Variants in OCM observed in about 807,000 individuals in gnomAD.
OCM encodes oncomodulin-1.
A neutral mutation model predicts 14.1 loss-of-function variants in OCM; 18 were observed. The observed-to-expected ratio is 1.28, with a 90% CI of 0.88 to 1.89. The LOEUF (loss-of-function observed/expected upper bound fraction) is 1.89, where lower values mean the gene tolerates loss of function less well. OCM is among the 40% of genes most tolerant of loss of function. The pLI, the probability that OCM is intolerant of heterozygous loss-of-function variation, is 0.00. For missense variants in OCM, 140 were observed against 137.6 expected, an observed-to-expected ratio of 1.02 and a Z score of -0.09; for synonymous variants, 48 against 51.0, an observed-to-expected ratio of 0.94 and a Z score of 0.25.
the OCM span, among the ~76,000 whole-genome samples, chr7:5,873,835 C>T: frequency 6.6e-6 from 1 of 151,896 alleles, no homozygotes; most frequent in Non-Finnish European, 1.5e-5. Context: ...GTTGAGAGAA[C>T]ATGAAAGTGG....
At chr7:5,870,437 C>G in the OCM span, among the ~76,000 whole-genome samples, 5 of 152,318 alleles carry the variant, frequency 3.3e-5, no homozygotes, top group South Asian at 1.0e-3. Flanking sequence ...TATGCATTCT[C>G]ATAGCATCCT....
the OCM span, among the ~76,000 whole-genome samples, chr7:5,869,079 A>G: frequency 6.6e-6 from 1 of 151,930 alleles, no homozygotes; most frequent in Non-Finnish European, 1.5e-5. Context: ...AAACAAAACA[A>G]AACAAAACAA....
chr7:5,875,998 G>C (rs974332748), upstream of OCM, among the ~76,000 whole-genome samples: 4 of 151,894 alleles, frequency 2.6e-5, no homozygotes, highest in African/African-American at 7.3e-5. Context: ...ACCATGCCTA[G>C]CTGATTATTA....
chr7:5,864,955 A>G, the OCM span, among the ~76,000 whole-genome samples: 10 of 152,004 alleles, frequency 6.6e-5, no homozygotes, highest in Admixed American at 5.9e-4. Flanking sequence ...AAAAAGAACT[A>G]GGGAAATAGA....
chr7:5,860,163 C>G, the OCM span, among the ~76,000 whole-genome samples: 1 of 151,810 alleles, frequency 6.6e-6, no homozygotes, highest in Admixed American at 6.6e-5. Context: ...GGTTTAGTTG[C>G]AATTTCTCCT....
At chr7:5,885,454 T>G (rs1047733809) in intron 3 of OCM, among the ~76,000 whole-genome samples, 6 of 152,288 alleles carry the variant, frequency 3.9e-5, no homozygotes, top group African/African-American at 7.2e-5. Flanking sequence ...TCATGCATTA[T>G]CAGGGAGAAA....
intron 3 of OCM, 144 bp downstream of exon 3, chr7:5,884,143 G>C: frequency 8.7e-7 from 1 of 1,153,484 alleles, no homozygotes; most frequent in Non-Finnish European, 1.2e-6. Context: ...TGTAAAATGG[G>C]ACTAAAGTAA....
At chr7:5,865,931 G>A in the OCM span, among the ~76,000 whole-genome samples, 2 of 152,132 alleles carry the variant, frequency 1.3e-5, no homozygotes, top group South Asian at 4.1e-4. Context: ...TAACAGAGTT[G>A]TCTTCATTTG....
chr7:5,881,112 T>A (rs969225971), intron 1 of OCM, among the ~76,000 whole-genome samples, 162 bp downstream of exon 1: 4 of 150,578 alleles, frequency 2.7e-5, no homozygotes, highest in Middle Eastern at 3.4e-3. Flanking sequence ...AGGTCAGGAG[T>A]TCGAGACCAG....
At chr7:5,885,994 A>T in intron 3 of OCM, 70 bp from the exon 4 acceptor site, 1 of 1,608,464 alleles carries the variant, frequency 6.2e-7, no homozygotes, top group East Asian at 2.2e-5. Flanking sequence ...TGGAATTCTC[A>T]TTGGCCACGG....
At chr7:5,874,966 T>C (rs1163570663), upstream of OCM, among the ~76,000 whole-genome samples, 4 of 152,048 alleles carry the variant, frequency 2.6e-5, no homozygotes, top group African/African-American at 9.7e-5. Flanking sequence ...TGTCTGTCTC[T>C]GTCAATTTGA....
the OCM span, among the ~76,000 whole-genome samples, chr7:5,873,759 G>A: frequency 2.5e-4 from 38 of 152,192 alleles, no homozygotes; most frequent in South Asian, 8.3e-4. Context: ...GGTGGCTTGG[G>A]CTAGGGTAGT....
At chr7:5,860,028 T>C in the OCM span, among the ~76,000 whole-genome samples, 1 of 148,152 alleles carries the variant, frequency 6.7e-6, no homozygotes, top group South Asian at 2.2e-4. Context: ...GTTCTGAATC[T>C]CATGGGGATG....
the OCM span, among the ~76,000 whole-genome samples, chr7:5,868,691 G>A: frequency 6.6e-6 from 1 of 152,168 alleles, no homozygotes; most frequent in Non-Finnish European, 1.5e-5. Flanking sequence ...TTGAGGGTCA[G>A]TTAGAAGGCA....
At chr7:5,867,165 C>G in the OCM span, among the ~76,000 whole-genome samples, 10 of 152,134 alleles carry the variant, frequency 6.6e-5, no homozygotes, top group Admixed American at 3.3e-4. Context: ...AAAAATTCCT[C>G]CTTGCCTTCT....
rs747858331 is a variant in OCM at position 5,884,014 on chromosome 7, G to A, written c.304+15G>A. ...TGGAGCAGAGGGTATGTCCACACGT[G>A]TACGTAGCATAAAACACTCTAGCTC... On this transcript the variant is annotated intron_variant, in intron 3 of 3. Coordinates refer to ENST00000242104, the MANE Select transcript of OCM (RefSeq NM_001097622.2). 4 of 1,610,856 alleles carry A rather than the reference G, an allele frequency of 2.5e-6. No homozygotes were observed. The highest frequency in any genetic ancestry group is 2.2e-5 in the East Asian group (1 of 44,836).
the OCM span, among the ~76,000 whole-genome samples, chr7:5,861,802 C>A: frequency 6.6e-6 from 1 of 151,918 alleles, no homozygotes; most frequent in Non-Finnish European, 1.5e-5. Context: ...TGGTCTCAAA[C>A]CCCTGGGCTC....
chr7:5,863,218 C>T, the OCM span, among the ~76,000 whole-genome samples: 4 of 152,106 alleles, frequency 2.6e-5, no homozygotes, highest in Non-Finnish European at 4.4e-5. Context: ...CTCCTGCTTG[C>T]TCTTTCCCCT....
chr7:5,872,159 T>C, the OCM span: 1 of 152,260 alleles, frequency 6.6e-6, no homozygotes, highest in South Asian at 2.1e-4. Flanking sequence ...GGATGCATTT[T>C]GCCCTGGCCC....
Sources: allele counts gnomAD v4.1 joint callset (sites outside exome capture counted in the v4.1 genomes callset), GRCh38; gene constraint gnomAD v4.1.1; transcripts MANE v1.5; gene names NCBI Gene and HGNC (gene_info 2026-07-23, HGNC 2026-07-21).